OSTF1: variants seen among roughly 807,000 people sequenced by gnomAD.
OSTF1 encodes the protein osteoclast stimulating factor 1, also known as osteoclast-stimulating factor 1.
Under a neutral mutation model 37.2 loss-of-function variants are expected in OSTF1, and 27 were observed. The observed-to-expected ratio is 0.73, with a 90% CI of 0.54 to 1.00. The LOEUF is 1.00. Among genes scored for constraint, OSTF1 ranks in the 50% least tolerant of loss-of-function variants. OSTF1 has a pLI of 0.00. For synonymous variants in OSTF1, 82 were observed against 89.2 expected (o/e 0.92, Z 0.46); for missense variants, 232 against 253.8 (o/e 0.91, Z 0.58).
chr9:75,113,542 G>C, intron 1 of OSTF1, among the ~76,000 whole-genome samples: 1 of 151,624 alleles, frequency 6.6e-6, no homozygotes, highest in East Asian at 1.9e-4. Context: ...TCCGCCTTCT[G>C]GGTTCAAGCC....
chr9:75,100,407 C>G (rs1564154365), intron 1 of OSTF1, among the ~76,000 whole-genome samples: 1 of 152,038 alleles, frequency 6.6e-6, no homozygotes, highest in Non-Finnish European at 1.5e-5. Context: ...TCTGGGCATC[C>G]ATCAGTGAAA....
chr9:75,129,180 G>A lies in OSTF1; in HGVS notation c.133-1398G>A, dbSNP rs73652704. Among the ~76,000 whole-genome samples, 477 of 152,260 alleles carry A rather than the reference G, an allele frequency of 3.1e-3. 2 individuals are homozygous for A. Among genetic ancestry groups the A allele is most frequent in the African/African-American group, 0.01 (429 of 41,562 alleles). On this transcript the variant is annotated intron_variant, in intron 3 of 9. Transcript: ENST00000346234. ...ATTAGGGCAACAACTTCCAAGAATT[G>A]AAACCCATTAAATACATTTAAATTT...
chr9:75,115,643 T>C lies in OSTF1; in HGVS notation c.35-1861T>C, dbSNP rs1587453941. Among the ~76,000 whole-genome samples the C allele has an allele frequency of 3.3e-5, 3 of 92,112 alleles. 1 individual carries two copies. The South Asian group carries it at 8.9e-4, about 27-fold the overall frequency. The allele number at this position is 92,112 out of a possible 152,430, so 60.4% of individuals were successfully genotyped here. A position where few individuals can be genotyped will look rare whatever the true frequency, so the allele number is the denominator to read the frequency against. ...TATTAAAAGAGGACCCCCCCTTTTTTTGTTTTTTTTTTGTTTTTTGTTTTT... is the reference window on the plus strand; with the variant it reads ...TATTAAAAGAGGACCCCCCCTTTTTCTGTTTTTTTTTTGTTTTTTGTTTTT... On this transcript the variant is annotated intron_variant, in intron 1 of 9. Coordinates refer to ENST00000346234, the MANE Select transcript of OSTF1 (RefSeq NM_012383.5).
intron 1 of OSTF1, among the ~76,000 whole-genome samples, chr9:75,090,197 C>T (rs986196071): frequency 6.6e-6 from 1 of 151,926 alleles, no homozygotes; most frequent in African/African-American, 2.4e-5. Flanking sequence ...TTTCTGATCA[C>T]CTGCTGCCAG....
intron 1 of OSTF1, among the ~76,000 whole-genome samples, chr9:75,112,878 T>C (rs1383073976): frequency 6.6e-6 from 1 of 152,226 alleles, no homozygotes; most frequent in East Asian, 1.9e-4. Flanking sequence ...CTTCCTTGTA[T>C]AACTTCTCTT....
intron 9 of OSTF1, among the ~76,000 whole-genome samples, chr9:75,145,838 T>C (rs889894690): frequency 1.4e-4 from 21 of 152,278 alleles, no homozygotes; most frequent in African/African-American, 5.1e-4. Context: ...TTTCACGTGA[T>C]GCTGTCTTTG....
At chr9:75,124,262 C>T (rs970170416) in intron 2 of OSTF1, among the ~76,000 whole-genome samples, 1 of 152,170 alleles carries the variant, frequency 6.6e-6, no homozygotes, top group Non-Finnish European at 1.5e-5. Context: ...AAGCGTTTAT[C>T]GTTTGTGTTA....
At chr9:75,093,727 A>T (rs1825023277) in intron 1 of OSTF1, among the ~76,000 whole-genome samples, 1 of 152,198 alleles carries the variant, frequency 6.6e-6, no homozygotes, top group Admixed American at 6.5e-5. Flanking sequence ...AATGAACTTA[A>T]TTTTTATGTA....
At chr9:75,105,565 A>G (rs1227888139) in intron 1 of OSTF1, among the ~76,000 whole-genome samples, 4 of 152,216 alleles carry the variant, frequency 2.6e-5, no homozygotes, top group Non-Finnish European at 5.9e-5. Context: ...AGGTCATACA[A>G]AAACAAGCAT....
intron 1 of OSTF1, 159 bp downstream of exon 1, chr9:75,088,885 T>TGTTAC: frequency 1.5e-6 from 1 of 668,290 alleles, no homozygotes; most frequent in Non-Finnish European, 2.6e-6. Context: ...TTGCGTTCGC[T>TGTTAC]GTTACGGAGG....
chr9:75,104,070 A>G (rs2118437898), intron 1 of OSTF1, among the ~76,000 whole-genome samples: 1 of 152,226 alleles, frequency 6.6e-6, no homozygotes, highest in South Asian at 2.1e-4. Context: ...TCTACTAAAA[A>G]TACAAAACAA....
At chr9:75,127,495 G>T (rs893167772) in intron 2 of OSTF1, 74 bp from the exon 3 acceptor site, 4 of 801,810 alleles carry the variant, frequency 5.0e-6, no homozygotes, top group African/African-American at 1.8e-5. Context: ...GAATATGATA[G>T]AATTTTGAAT....
chr9:75,127,429 GTTTTA>G (rs1825678599), intron 2 of OSTF1, 135 bp from the exon 3 acceptor site: 2 of 480,028 alleles, frequency 4.2e-6, no homozygotes, highest in Admixed American at 4.2e-5. Context: ...TTTCAGTAGT[GTTTTA>G]TTATATGGCT....
At chr9:75,127,683 T>A in intron 3 of OSTF1, 64 bp downstream of exon 3, 1 of 859,368 alleles carries the variant, frequency 1.2e-6, no homozygotes. Context: ...TATAACATTG[T>A]AAGTTATTTA....
Position 75,130,659 on chromosome 9 carries a change from G to A in OSTF1, c.196+18G>A, listed in dbSNP as rs1202316527. On this transcript the variant is annotated intron_variant, in intron 4 of 9. Coordinates refer to ENST00000346234, the MANE Select transcript of OSTF1 (RefSeq NM_012383.5). The stretch of plus-strand genomic sequence containing the variant: ...CAACTATGGTAAGTGTTGCTGAGTG[G>A]TTTTACTTTAGCTTCGTTCACTTGG... 7.6e-6 allele frequency: 12 copies of A among 1,579,936 alleles called. No homozygotes were observed. Among genetic ancestry groups the A allele is most frequent in the Non-Finnish European group, 9.6e-6 (11 of 1,149,210 alleles).
chr9:75,121,770 C>T (rs1212908843), intron 2 of OSTF1, among the ~76,000 whole-genome samples: 1 of 152,222 alleles, frequency 6.6e-6, no homozygotes, highest in Non-Finnish European at 1.5e-5. Context: ...GGGATAGATA[C>T]ACCACAGCAT....
At chr9:75,127,515 C>G in intron 2 of OSTF1, 54 bp from the exon 3 acceptor site, 1 of 978,314 alleles carries the variant, frequency 1.0e-6, no homozygotes. Flanking sequence ...TCTATATAAT[C>G]ATATTCTAAT....
chr9:75,116,104 AAAT>A (rs1278424079), intron 1 of OSTF1, among the ~76,000 whole-genome samples: 1 of 151,912 alleles, frequency 6.6e-6, no homozygotes, highest in African/African-American at 2.4e-5. Context: ...AATCTGTTTC[AAAT>A]AATAATAATT....
intron 6 of OSTF1, among the ~76,000 whole-genome samples, chr9:75,133,890 A>G (rs913912291): frequency 6.6e-5 from 10 of 152,144 alleles, no homozygotes; most frequent in African/African-American, 2.4e-4. Context: ...TTTTAGATGT[A>G]TTTCTTCCTG....
Sources: allele counts gnomAD v4.1 joint callset (sites outside exome capture counted in the v4.1 genomes callset), GRCh38; gene constraint gnomAD v4.1.1; transcripts MANE v1.5; gene names NCBI Gene and HGNC (gene_info 2026-07-23, HGNC 2026-07-21).